XYLT1: variants seen among roughly 807,000 people sequenced by gnomAD.
The protein encoded by XYLT1 is xylosyltransferase 1, also known as beta-D-xylosyltransferase 1.
Under a neutral mutation model 91.3 loss-of-function variants are expected in XYLT1, and 36 were observed. The observed-to-expected ratio is 0.39, with a 90% CI of 0.30 to 0.52. XYLT1 has a LOEUF of 0.52. Among genes scored for constraint, XYLT1 ranks in the 20% least tolerant of loss-of-function variants. XYLT1 has a pLI of 0.68. For missense variants in XYLT1, 1,242 were observed against 1,284.5 expected, an observed-to-expected ratio of 0.97 and a Z score of 0.51; for synonymous variants, 588 against 532.0, an observed-to-expected ratio of 1.11 and a Z score of -1.45.
At chr16:17,361,032 C>T (rs2035374862) in intron 1 of XYLT1, among the ~76,000 whole-genome samples, 2 of 152,232 alleles carry the variant, frequency 1.3e-5, no homozygotes, top group Non-Finnish European at 2.9e-5. Context: ...TCATTCGTCA[C>T]AGCTCCTAGA....
intron 2 of XYLT1, among the ~76,000 whole-genome samples, chr16:17,267,336 A>T (rs1488762060): frequency 6.6e-6 from 1 of 152,262 alleles, no homozygotes; most frequent in African/African-American, 2.4e-5. Context: ...GGCTTGATAC[A>T]TGTTAAGCAC....
intron 2 of XYLT1, among the ~76,000 whole-genome samples, chr16:17,282,962 C>A (rs2034079348): frequency 6.6e-6 from 1 of 151,756 alleles, no homozygotes; most frequent in South Asian, 2.1e-4. Flanking sequence ...AATAAGTCAC[C>A]CCCCCCAAGT....
chr16:17,256,140 G>A (rs1219342063), intron 3 of XYLT1, among the ~76,000 whole-genome samples: 1 of 152,164 alleles, frequency 6.6e-6, no homozygotes, highest in Non-Finnish European at 1.5e-5. Flanking sequence ...GCAGATGGGG[G>A]GGCCATAAGG....
At chr16:17,223,083 T>C (rs1282496376) in intron 3 of XYLT1, among the ~76,000 whole-genome samples, 1 of 151,678 alleles carries the variant, frequency 6.6e-6, no homozygotes, top group Non-Finnish European at 1.5e-5. Context: ...TGCCTCTCTC[T>C]GTCTCTTTCG....
At chr16:17,326,709 C>T (rs945743740) in intron 2 of XYLT1, among the ~76,000 whole-genome samples, 2 of 151,990 alleles carry the variant, frequency 1.3e-5, no homozygotes, top group Non-Finnish European at 2.9e-5. Context: ...CCTGTAGTCC[C>T]AGCTACTTGG....
chr16:17,200,708 G>T, intron 3 of XYLT1, 54 bp from the exon 4 acceptor site: 1 of 1,587,232 alleles, frequency 6.3e-7, no homozygotes, highest in South Asian at 1.1e-5. Flanking sequence ...GCCATCCTTT[G>T]CAGGGGTGGG....
intron 1 of XYLT1, among the ~76,000 whole-genome samples, chr16:17,435,933 G>A (rs2036453566): frequency 6.6e-6 from 1 of 152,168 alleles, no homozygotes; most frequent in East Asian, 1.9e-4. Flanking sequence ...ATATGGTTTG[G>A]CTGTGTCCCC....
intron 1 of XYLT1, among the ~76,000 whole-genome samples, chr16:17,453,165 C>G (rs998738984): frequency 6.6e-6 from 1 of 152,220 alleles, no homozygotes; most frequent in Non-Finnish European, 1.5e-5. Context: ...TTCAAGTCCA[C>G]AAATCCTTTC....
intron 10 of XYLT1, among the ~76,000 whole-genome samples, chr16:17,123,813 G>T (rs2030160578): frequency 6.6e-6 from 1 of 152,112 alleles, no homozygotes; most frequent in African/African-American, 2.4e-5. Flanking sequence ...TGTTTTGGGA[G>T]CCCCAGTGTT....
intron 1 of XYLT1, among the ~76,000 whole-genome samples, chr16:17,447,771 C>CT (rs34537633): frequency 0.45 from 68,577 of 152,126 alleles, 19,384 homozygotes; most frequent in African/African-American, 0.79. Context: ...ACGAAAGCCA[C>CT]TTTTCACCCT....
chr16:17,442,033 C>T (rs1179963039), intron 1 of XYLT1, among the ~76,000 whole-genome samples: 1 of 151,964 alleles, frequency 6.6e-6, no homozygotes, highest in Non-Finnish European at 1.5e-5. Flanking sequence ...GATCCACCCC[C>T]ATGTATGGTG....
chr16:17,131,732 G>A (rs539481978), intron 9 of XYLT1, among the ~76,000 whole-genome samples: 188 of 152,258 alleles, frequency 1.2e-3, no homozygotes, highest in Middle Eastern at 3.4e-3. Flanking sequence ...TTAATGAAAG[G>A]TTATATTATA....
chr16:17,241,742 G>C (rs1158934059), intron 3 of XYLT1, among the ~76,000 whole-genome samples: 1 of 152,182 alleles, frequency 6.6e-6, no homozygotes, highest in Admixed American at 6.5e-5. Context: ...AGGGGATACA[G>C]TGTGGGGAAG....
At chr16:17,394,482 T>A (rs1451392488) in intron 1 of XYLT1, among the ~76,000 whole-genome samples, 1 of 152,222 alleles carries the variant, frequency 6.6e-6, no homozygotes, top group Non-Finnish European at 1.5e-5. Context: ...ATAGGGAGCA[T>A]CTGGGCAGAG....
At chr16:17,443,242 G>T (rs1049438735) in intron 1 of XYLT1, among the ~76,000 whole-genome samples, 1 of 152,116 alleles carries the variant, frequency 6.6e-6, no homozygotes, top group Admixed American at 6.5e-5. Context: ...TCATTTTATA[G>T]TATGTATATA....
chr16:17,182,743 A>G (rs2032099536), intron 5 of XYLT1, among the ~76,000 whole-genome samples: 1 of 151,990 alleles, frequency 6.6e-6, no homozygotes, highest in African/African-American at 2.4e-5. Context: ...TTATGCTTGC[A>G]TTAGGCTAAT....
intron 1 of XYLT1, 98 bp downstream of exon 1, chr16:17,470,336 C>T (rs1310895182): frequency 1.7e-6 from 2 of 1,185,546 alleles, no homozygotes; most frequent in Non-Finnish European, 2.1e-6. Flanking sequence ...CTTGCAGAGT[C>T]CCAGTCTGAT....
chr16:17,369,909 G>C (rs1286353946), intron 1 of XYLT1, among the ~76,000 whole-genome samples: 3 of 152,192 alleles, frequency 2.0e-5, no homozygotes, highest in Non-Finnish European at 4.4e-5. Flanking sequence ...CACGACAACA[G>C]AGTTGGCCCG....
intron 6 of XYLT1, among the ~76,000 whole-genome samples, chr16:17,144,892 T>A (rs1048352341): frequency 1.3e-5 from 2 of 152,204 alleles, no homozygotes; most frequent in Non-Finnish European, 2.9e-5. Flanking sequence ...AGCAGTGGTT[T>A]AAAATTAAGC....
Sources: gnomAD v4.1 joint callset for allele counts (sites outside exome capture counted in the v4.1 genomes callset) on GRCh38, gnomAD v4.1.1 for gene constraint, MANE v1.5 for transcripts, NCBI Gene and HGNC (gene_info 2026-07-23, HGNC 2026-07-21) for gene names.